RAB22A: variants seen among roughly 807,000 people sequenced by gnomAD.
RAB22A encodes the protein ras-related protein Rab-22A.
A neutral mutation model predicts 30.2 loss-of-function variants in RAB22A; 13 were observed. The ratio of observed to expected loss-of-function variants is 0.43; its 90% CI spans 0.28 to 0.68. The LOEUF (loss-of-function observed/expected upper bound fraction) is 0.68. RAB22A is among the 30% of genes least tolerant of loss of function. The pLI, the probability that RAB22A is intolerant of heterozygous loss-of-function variation, is 0.18. For synonymous variants in RAB22A, 89 were observed against 87.2 expected, an observed-to-expected ratio of 1.02 and a Z score of -0.11; for missense variants, 177 against 246.8, an observed-to-expected ratio of 0.72 and a Z score of 1.89.
rs1194514767 is a variant in RAB22A at position 58,353,296 on chromosome 20, C to T, written c.222C>T (p.Tyr74=). ...QERFRALAPM[Y]YRGSAAAIIV... ...AGTTTCGTGCCTTAGCACCAATGTA[C>T]TATCGAGGGTCGGCTGCAGCTATAA... Residue 74 remains tyrosine (Y), a synonymous_variant, in exon 4 of 7, where the codon TAC becomes TAT. Transcript: ENST00000244040. The T allele has an allele frequency of 7.4e-6, 12 of 1,613,978 alleles. No homozygotes were observed. The Admixed American group carries it at 1.8e-4, about 25-fold the overall frequency.
intron 1 of RAB22A, 132 bp from the exon 2 acceptor site, chr20:58,310,911 G>T: frequency 1.4e-6 from 1 of 724,288 alleles, no homozygotes; most frequent in South Asian, 1.7e-5. Context: ...AACCGCTTTT[G>T]TGTTCCTCCG....
chr20:58,320,345 G>T (rs1986428282), intron 2 of RAB22A, among the ~76,000 whole-genome samples: 1 of 152,042 alleles, frequency 6.6e-6, no homozygotes, highest in African/African-American at 2.4e-5. Context: ...CAAGGAATTT[G>T]TTCATCGTAT....
chr20:58,316,113 G>C (rs955089260), intron 2 of RAB22A, among the ~76,000 whole-genome samples: 1 of 152,054 alleles, frequency 6.6e-6, no homozygotes, highest in Non-Finnish European at 1.5e-5. Flanking sequence ...CTGATTGTCT[G>C]TGCAAACTCA....
intron 6 of RAB22A, among the ~76,000 whole-genome samples, chr20:58,358,156 A>T (rs1209955697): frequency 6.6e-6 from 1 of 152,198 alleles, no homozygotes; most frequent in Non-Finnish European, 1.5e-5. Context: ...TTGTACAAGA[A>T]GCAACCCTTG....
intron 2 of RAB22A, among the ~76,000 whole-genome samples, chr20:58,341,405 T>C (rs1600735337): frequency 6.6e-6 from 1 of 151,674 alleles, no homozygotes; most frequent in Non-Finnish European, 1.5e-5. Flanking sequence ...AGGAAGCAGG[T>C]GGAGAGGCTG....
chr20:58,334,304 C>T (rs1008102595), intron 2 of RAB22A, among the ~76,000 whole-genome samples: 12 of 150,440 alleles, frequency 8.0e-5, no homozygotes, highest in Non-Finnish European at 1.8e-4. Flanking sequence ...CACTGTACTG[C>T]AGCCTGGGCG....
intron 6 of RAB22A, among the ~76,000 whole-genome samples, chr20:58,354,519 T>C (rs1010106713): frequency 9.2e-5 from 14 of 152,194 alleles, no homozygotes; most frequent in Non-Finnish European, 1.5e-4. Flanking sequence ...ATGAAAGCTG[T>C]CCCATTTCTT....
Position 58,329,468 on chromosome 20 carries a change from C to T in RAB22A, c.117-14250C>T, listed in dbSNP as rs538992526. ...GGCCTTCGTTGTTTTTGTTGAGTGG[C>T]GTCATCCTCCTTCATATTGTTACCC... On this transcript the variant is annotated intron_variant, in intron 2 of 6. Coordinates refer to ENST00000244040, the MANE Select transcript of RAB22A (RefSeq NM_020673.3). Among the ~76,000 whole-genome samples, 70 of 152,224 alleles carry T rather than the reference C, an allele frequency of 4.6e-4. 1 individual carries two copies. In the South Asian group the frequency reaches 0.014, roughly 31 times the overall value.
At chr20:58,317,556 CTTTTTTTTTTTT>C (rs35819954) in intron 2 of RAB22A, among the ~76,000 whole-genome samples, 19 of 124,936 alleles carry the variant, frequency 1.5e-4, no homozygotes, top group Admixed American at 4.8e-4. Context: ...AGTTATTATT[CTTTTTTTTTTTT>C]TTTTTTTTGA....
intron 2 of RAB22A, among the ~76,000 whole-genome samples, chr20:58,314,312 G>T (rs1331404469): frequency 1.3e-5 from 2 of 152,114 alleles, no homozygotes; most frequent in Non-Finnish European, 2.9e-5. Context: ...TAATCTGCCT[G>T]CCTTGGCCTC....
chr20:58,340,905 G>T (rs1209842661), intron 2 of RAB22A, among the ~76,000 whole-genome samples: 1 of 152,106 alleles, frequency 6.6e-6, no homozygotes, highest in Non-Finnish European at 1.5e-5. Context: ...CAAGGAAGAG[G>T]AGCAGTCAGT....
intron 3 of RAB22A, among the ~76,000 whole-genome samples, chr20:58,348,962 T>G (rs973540299): frequency 4.6e-5 from 7 of 152,318 alleles, no homozygotes; most frequent in Middle Eastern, 3.4e-3. Flanking sequence ...CAGCAGAGAT[T>G]ATGTGACCCA....
Position 58,343,891 on chromosome 20 carries a change from C to T in RAB22A, c.198+92C>T, listed in dbSNP as rs1986900613. ...CATCCCTGTCATCTCACGTTACTCACTTCTCTTCTGTGCACCGGAGACACA... is the reference window on the plus strand; with the variant it reads ...CATCCCTGTCATCTCACGTTACTCATTTCTCTTCTGTGCACCGGAGACACA... On this transcript the variant is annotated intron_variant, in intron 3 of 6. Coordinates refer to ENST00000244040, the MANE Select transcript of RAB22A (RefSeq NM_020673.3). 3.8e-6 allele frequency: 4 copies of T among 1,040,102 alleles called. No homozygotes were observed. The East Asian group carries it at 1.0e-4, about 26-fold the overall frequency. The allele number at this position is 1,040,102 out of a possible 1,614,324, so 64.4% of individuals were successfully genotyped here.
chr20:58,336,937 C>A (rs778661429), intron 2 of RAB22A, among the ~76,000 whole-genome samples: 1 of 152,094 alleles, frequency 6.6e-6, no homozygotes, highest in Non-Finnish European at 1.5e-5. Context: ...GCTTGACATT[C>A]ATGATTCTCT....
At chr20:58,347,485 T>TC (rs1394897433) in intron 3 of RAB22A, among the ~76,000 whole-genome samples, 5 of 152,214 alleles carry the variant, frequency 3.3e-5, no homozygotes, top group Admixed American at 6.5e-5. Flanking sequence ...AATATTTTTG[T>TC]AAAAATTTGT....
chr20:58,327,611 A>G (rs1411189923), intron 2 of RAB22A, among the ~76,000 whole-genome samples: 1 of 152,224 alleles, frequency 6.6e-6, no homozygotes, highest in Non-Finnish European at 1.5e-5. Context: ...GTCATCTACC[A>G]TGGCTTCTGT....
At chr20:58,322,810 T>C (rs1197818288) in intron 2 of RAB22A, among the ~76,000 whole-genome samples, 3 of 139,226 alleles carry the variant, frequency 2.2e-5, no homozygotes, top group African/African-American at 8.7e-5. Context: ...TTAAATGACC[T>C]TTCAAAGAGA....
rs956159145 is a variant in RAB22A at position 58,335,497 on chromosome 20, G to GA, written c.117-8212dup. Among the ~76,000 whole-genome samples, 16 of 150,902 alleles carry GA rather than the reference G, an allele frequency of 1.1e-4. No homozygotes were observed. In the South Asian group the frequency reaches 2.7e-3, roughly 26 times the overall value. ...GATGATCTCCTAGGTATAGGATAGA[G>GA]AAAAAAAAATCAAAGGTATGTAGTA... On this transcript the variant is annotated intron_variant, in intron 2 of 6. Coordinates refer to ENST00000244040, the MANE Select transcript of RAB22A (RefSeq NM_020673.3).
chr20:58,346,566 G>T (rs1405566558), intron 3 of RAB22A, among the ~76,000 whole-genome samples: 1 of 152,190 alleles, frequency 6.6e-6, no homozygotes, highest in East Asian at 1.9e-4. Context: ...TAAACCCCCT[G>T]CATCTAAGCA....
Sources: gnomAD v4.1 joint callset for allele counts (sites outside exome capture counted in the v4.1 genomes callset) on GRCh38, gnomAD v4.1.1 for gene constraint, MANE v1.5 for transcripts, NCBI Gene and HGNC (gene_info 2026-07-23, HGNC 2026-07-21) for gene names.